The following RCAN2 variants were observed in gnomAD, a reference collection of about 807,000 sequenced individuals.
RCAN2 encodes the protein regulator of calcineurin 2, also known as calcipressin-2.
RCAN2 carries 9 observed loss-of-function variants against 23.6 expected under a neutral mutation model. The ratio of observed to expected loss-of-function variants is 0.38; its 90% CI spans 0.23 to 0.67. The LOEUF is 0.67. RCAN2 is among the 30% of genes least tolerant of loss of function. The pLI, the probability that RCAN2 is intolerant of heterozygous loss-of-function variation, is 0.51. For synonymous variants in RCAN2, 109 were observed against 115.7 expected (o/e 0.94, Z 0.37); for missense variants, 273 against 302.3 (o/e 0.90, Z 0.72).
intron 2 of RCAN2, among the ~76,000 whole-genome samples, chr6:46,252,045 G>T (rs989612678): frequency 1.4e-4 from 21 of 151,988 alleles, no homozygotes; most frequent in Non-Finnish European, 2.9e-5. Flanking sequence ...GGCCTTTTGG[G>T]ACCTTTATTT....
At chr6:46,417,267 A>T (rs1766738818) in intron 2 of RCAN2, among the ~76,000 whole-genome samples, 1 of 152,100 alleles carries the variant, frequency 6.6e-6, no homozygotes, top group African/African-American at 2.4e-5. Context: ...TCCCCTACTG[A>T]GTGTTAGCTT....
At chr6:46,283,934 A>G (rs1193693161) in intron 2 of RCAN2, among the ~76,000 whole-genome samples, 1 of 152,232 alleles carries the variant, frequency 6.6e-6, no homozygotes, top group Non-Finnish European at 1.5e-5. Context: ...TTAACACTCC[A>G]CAAACCTTTC....
At chr6:46,342,488 G>T (rs539737192) in intron 2 of RCAN2, among the ~76,000 whole-genome samples, 1 of 150,982 alleles carries the variant, frequency 6.6e-6, no homozygotes. Context: ...GTAGTCCAAG[G>T]CTGCAGTGAG....
At chr6:46,429,679 T>C (rs565606392) in intron 2 of RCAN2, among the ~76,000 whole-genome samples, 115 of 152,284 alleles carry the variant, frequency 7.6e-4, no homozygotes, top group African/African-American at 2.7e-3. Flanking sequence ...GAATGGTCAT[T>C]AGGGCAGGTA....
intron 1 of RCAN2, among the ~76,000 whole-genome samples, chr6:46,489,954 T>C (rs1027659582): frequency 3.9e-5 from 6 of 152,238 alleles, no homozygotes; most frequent in African/African-American, 1.2e-4. Context: ...TCCTGCCTAG[T>C]TGACAGTCAA....
chr6:46,331,113 A>G (rs775210922), intron 2 of RCAN2, among the ~76,000 whole-genome samples: 3 of 152,208 alleles, frequency 2.0e-5, no homozygotes, highest in African/African-American at 7.2e-5. Context: ...ACTACTTCTC[A>G]TCTACTATTT....
intron 2 of RCAN2, among the ~76,000 whole-genome samples, chr6:46,329,269 C>T (rs1763887402): frequency 6.6e-6 from 1 of 152,170 alleles, no homozygotes; most frequent in African/African-American, 2.4e-5. Context: ...ATTCCCCAAT[C>T]AGCTAAAATA....
chr6:46,225,410 G>C (rs1372787643), intron 4 of RCAN2, among the ~76,000 whole-genome samples: 11 of 152,336 alleles, frequency 7.2e-5, no homozygotes, highest in Non-Finnish European at 1.3e-4. Context: ...CAGTGTAAAA[G>C]TGTTCCTATT....
intron 4 of RCAN2, among the ~76,000 whole-genome samples, chr6:46,244,443 C>T (rs1170668404): frequency 6.6e-6 from 1 of 152,188 alleles, no homozygotes; most frequent in East Asian, 1.9e-4. Flanking sequence ...CCTTCCAGAG[C>T]CTGGACTCAG....
At chr6:46,325,382 C>T (rs1272534865) in intron 2 of RCAN2, 11 of 1,613,330 alleles carry the variant, frequency 6.8e-6, no homozygotes, top group Non-Finnish European at 9.3e-6. Context: ...AATAAGATTG[C>T]AGGTGCATAC....
rs536527813 is a variant in RCAN2 at position 46,263,500 on chromosome 6, T to C, written c.226-14604A>G. On this transcript the variant is annotated intron_variant, in intron 2 of 4. Coordinates refer to ENST00000371374, the MANE Select transcript of RCAN2 (RefSeq NM_001251974.2). The stretch of plus-strand genomic sequence containing the variant: ...ATGTGTGTGTGTGTGTGTGTATGTG[T>C]GTATGTGTGTGTATGTGTGTATGTG... 6.6e-5 allele frequency among the ~76,000 whole-genome samples: 9 copies of C among 136,724 alleles called. No individual in the cohort carries two copies. In the East Asian group the frequency reaches 1.6e-3, roughly 25 times the overall value. 89.7% of individuals were successfully genotyped at this position (136,724 alleles called of 152,430 possible).
chr6:46,340,833 T>C (rs1332765537), intron 2 of RCAN2, among the ~76,000 whole-genome samples: 1 of 152,150 alleles, frequency 6.6e-6, no homozygotes, highest in South Asian at 2.1e-4. Context: ...AAAAGCCAAA[T>C]GGGGATAGAA....
At position 46,342,533 on chromosome 6, in the gene RCAN2, T is replaced by G. The variant is rs139774463; in HGVS notation, c.226-93637A>C. ...TGTCACTATACTCCAGCCTGAGTGA[T>G]AGGGTGAGACCCTGTCTCTTAAAAA... On this transcript the variant is annotated intron_variant, in intron 2 of 4. Transcript: ENST00000371374. Among the ~76,000 whole-genome samples the G allele has an allele frequency of 2.6e-3, 255 of 96,374 alleles. 1 individual carries two copies. Among genetic ancestry groups the G allele is most frequent in the African/African-American group, 6.7e-3 (242 of 36,164 alleles). The allele number at this position is 96,374 out of a possible 152,430, so 63.2% of individuals were successfully genotyped here. A position where few individuals can be genotyped will look rare whatever the true frequency, so the allele number is the denominator to read the frequency against.
chr6:46,490,675 G>A (rs1769113684), intron 1 of RCAN2, among the ~76,000 whole-genome samples: 2 of 152,132 alleles, frequency 1.3e-5, no homozygotes, highest in African/African-American at 2.4e-5. Context: ...ACAATTCTCA[G>A]CCCGCTGCAC....
At chr6:46,323,304 T>C (rs909134381) in intron 2 of RCAN2, among the ~76,000 whole-genome samples, 2 of 151,760 alleles carry the variant, frequency 1.3e-5, no homozygotes, top group African/African-American at 4.8e-5. Flanking sequence ...TTCTCTTGTC[T>C]CTAAGCTAAT....
chr6:46,476,365 A>G (rs2150444502), intron 1 of RCAN2, among the ~76,000 whole-genome samples: 1 of 152,306 alleles, frequency 6.6e-6, no homozygotes, highest in African/African-American at 2.4e-5. Context: ...GGTTAGGTAA[A>G]AAATAATCCA....
At chr6:46,227,921 A>C (rs1765732876) in intron 4 of RCAN2, among the ~76,000 whole-genome samples, 1 of 152,122 alleles carries the variant, frequency 6.6e-6, no homozygotes, top group African/African-American at 2.4e-5. Context: ...TAGTGCTATA[A>C]ATTTCCCTCT....
intron 2 of RCAN2, among the ~76,000 whole-genome samples, chr6:46,261,107 GGCT>G (rs1320345279): frequency 6.6e-5 from 10 of 152,086 alleles, no homozygotes; most frequent in Non-Finnish European, 1.5e-4. Context: ...AAACGTCTGT[GGCT>G]GTCATCAGCC....
In RCAN2 at chr6:46,402,159, GA is replaced by G. The variant is rs1766264971; in HGVS notation, c.225+54592del. Among the ~76,000 whole-genome samples, 4 of 152,316 alleles carry G rather than the reference GA, an allele frequency of 2.6e-5. No homozygotes were observed. In the South Asian group the frequency reaches 8.3e-4, roughly 32 times the overall value. ...AAGCAGCAAAAGTTTAAGCAACAAAGAGGCCTGAAAGAGCTGGATTCAGTTT... is the reference window on the plus strand; with the variant it reads ...AAGCAGCAAAAGTTTAAGCAACAAAGGGCCTGAAAGAGCTGGATTCAGTTT... On this transcript the variant is annotated intron_variant, in intron 2 of 4. Coordinates refer to ENST00000371374, the MANE Select transcript of RCAN2 (RefSeq NM_001251974.2).
Sources: gnomAD v4.1 joint callset for allele counts (sites outside exome capture counted in the v4.1 genomes callset) on GRCh38, gnomAD v4.1.1 for gene constraint, MANE v1.5 for transcripts, NCBI Gene and HGNC (gene_info 2026-07-23, HGNC 2026-07-21) for gene names.